The following SEPHS1 variants were observed in gnomAD, a reference collection of about 807,000 sequenced individuals.
SEPHS1 encodes zincore component SEPHS1.
In SEPHS1, 7 loss-of-function variants were observed where a neutral mutation model predicts 39.2. The observed-to-expected ratio is 0.18, with a 90% CI of 0.10 to 0.34. The LOEUF (loss-of-function observed/expected upper bound fraction) is 0.34, where lower values mean the gene tolerates loss of function less well. SEPHS1 is among the 10% of genes least tolerant of loss of function. The probability of loss-of-function intolerance (pLI) is 1.00; values close to 1 mark genes in which losing one functional copy is unlikely to be tolerated. For missense variants in SEPHS1, 253 were observed against 514.5 expected (o/e 0.49, Z 4.92); for synonymous variants, 190 against 195.5 (o/e 0.97, Z 0.23).
At chr10:13,333,762 G>A (rs1344591885) in intron 5 of SEPHS1, 55 bp downstream of exon 5, 1 of 1,568,686 alleles carries the variant, frequency 6.4e-7, no homozygotes. Flanking sequence ...TTTTTAAAAA[G>A]AGAGGACAGA....
Position 13,333,798 on chromosome 10 carries a change from G to A in SEPHS1, c.560+19C>T, listed in dbSNP as rs1833541901. ...GAGAGAAAAACAGGTCAGGTGATAT[G>A]AAACAAAAATCAACTTACATGATAA... On this transcript the variant is annotated intron_variant, in intron 5 of 8. Coordinates refer to ENST00000327347, the MANE Select transcript of SEPHS1 (RefSeq NM_012247.5). The A allele has an allele frequency of 1.2e-6, 2 of 1,611,422 alleles. No homozygotes were observed. Among genetic ancestry groups the A allele is most frequent in the Non-Finnish European group, 1.7e-6 (2 of 1,179,102 alleles).
At chr10:13,335,850 C>G (rs952264426) in intron 4 of SEPHS1, among the ~76,000 whole-genome samples, 15 of 137,580 alleles carry the variant, frequency 1.1e-4, no homozygotes, top group South Asian at 2.4e-4. Context: ...TGTGGTGGTA[C>G]GTGCCTGTAA....
Position 13,319,328 on chromosome 10 carries a change from C to G in SEPHS1, c.993G>C (p.Glu331Asp). 1 of 1,613,236 alleles carries G rather than the reference C, an allele frequency of 6.2e-7. No homozygotes were observed. The highest frequency in any genetic ancestry group is 8.5e-7 in the Non-Finnish European group (1 of 1,179,838). The change falls in exon 9 of 9, where the codon GAG becomes GAC. Residue 331 changes from glutamate (E) to aspartate (D), a missense_variant. Physicochemically the swap from Glu to Asp is conservative, Grantham distance 45. Coordinates refer to ENST00000327347, the MANE Select transcript of SEPHS1 (RefSeq NM_012247.5). ...SGGLLICLPR[E>D]QAARFCAEIK... The stretch of plus-strand genomic sequence containing the variant: ...TCTCTGCACAGAACCGAGCTGCTTG[C>G]TCACGTGGTAAACAGATCAGAAGGC...
intron 3 of SEPHS1, among the ~76,000 whole-genome samples, chr10:13,337,841 T>C (rs1833682799): frequency 6.6e-6 from 1 of 152,170 alleles, no homozygotes; most frequent in Non-Finnish European, 1.5e-5. Context: ...GGAAGAAATA[T>C]AGGTTTCCAA....
At chr10:13,336,424 T>C (rs2130677781) in intron 3 of SEPHS1, 74 bp from the exon 4 acceptor site, 2 of 1,086,878 alleles carry the variant, frequency 1.8e-6, no homozygotes, top group African/African-American at 1.5e-5. Flanking sequence ...AGCCATGGAG[T>C]GGACTCCACA....
Position 13,344,739 on chromosome 10 carries a change from G to C in SEPHS1, c.193+19C>G, listed in dbSNP as rs748973442. On this transcript the variant is annotated intron_variant, in intron 2 of 8. Coordinates refer to ENST00000327347, the MANE Select transcript of SEPHS1 (RefSeq NM_012247.5). ...ACTGATTGGATCGCAGACCATCAAA[G>C]AAACACTGGGTTACCTACCAAGCCT... is the stretch of plus-strand genomic sequence containing the variant. The C allele has an allele frequency of 1.4e-6, 2 of 1,452,038 alleles. No individual in the cohort carries two copies. The highest frequency in any genetic ancestry group is 1.6e-5 in the South Asian group (1 of 61,368). The allele number at this position is 1,452,038 out of a possible 1,614,324, so 89.9% of individuals were successfully genotyped here.
intron 7 of SEPHS1, among the ~76,000 whole-genome samples, chr10:13,324,418 GAATGT>G (rs1411877308): frequency 6.6e-6 from 1 of 152,198 alleles, no homozygotes; most frequent in Non-Finnish European, 1.5e-5. Context: ...GCTTTTGTGT[GAATGT>G]AAGTTTTCAA....
In SEPHS1 at chr10:13,344,887, T is replaced by C; in HGVS notation, c.64A>G (p.Arg22Gly). 1.2e-6 allele frequency: 2 copies of C among 1,605,978 alleles called. No individual in the cohort carries two copies. The highest frequency in any genetic ancestry group is 1.3e-5 in the African/African-American group (1 of 74,906). The change falls in exon 2 of 9, where the codon AGA becomes GGA. Residue 22 changes from arginine (R) to glycine (G), a missense_variant. This residue lies in a region of SEPHS1 where 123 missense variants were observed against 196.8 expected (regional missense o/e 0.62). Transcript: ENST00000327347. ...YELDKSFRLT[R>G]FTELKGTGCK... Reference sequence around the variant, plus strand: ...CCTGTGCCCTTCAGTTCAGTGAATCTGGTTAGCCGGAAGCTTTTGTCCAAT... The same window carrying C: ...CCTGTGCCCTTCAGTTCAGTGAATCCGGTTAGCCGGAAGCTTTTGTCCAAT...
chr10:13,344,656 A>G (rs1260837115), intron 2 of SEPHS1, 102 bp downstream of exon 2: 7 of 844,074 alleles, frequency 8.3e-6, no homozygotes, highest in Non-Finnish European at 1.2e-5. Flanking sequence ...AAAGCAAAAA[A>G]AGTAATAATA....
intron 2 of SEPHS1, among the ~76,000 whole-genome samples, chr10:13,339,378 A>G (rs952600788): frequency 3.9e-5 from 6 of 152,196 alleles, no homozygotes; most frequent in Non-Finnish European, 8.8e-5. Flanking sequence ...GAAATTTCCA[A>G]TCAAGCCTGG....
intron 8 of SEPHS1, among the ~76,000 whole-genome samples, chr10:13,320,474 C>T (rs1294349383): frequency 6.6e-6 from 1 of 152,010 alleles, no homozygotes; most frequent in Admixed American, 6.6e-5. Context: ...AGCCACTGCA[C>T]CGGGCCAAAA....
intron 2 of SEPHS1, among the ~76,000 whole-genome samples, chr10:13,344,382 T>G (rs963689810): frequency 1.3e-5 from 2 of 152,182 alleles, no homozygotes; most frequent in African/African-American, 4.8e-5. Context: ...GTAATAACAA[T>G]CTCAATTGCA....
In SEPHS1 at chr10:13,319,317, C is replaced by T. The variant is rs1293236433; in HGVS notation, c.1004G>A (p.Arg335Gln). The change falls in exon 9 of 9, where the codon CGG becomes CAG. Residue 335 changes from arginine to glutamine, a missense_variant. Physicochemically the swap from Arg to Gln is conservative, Grantham distance 43. Around this residue, in one of 4 missense-constraint regions of SEPHS1, gnomAD observed 107 missense variants for 257.1 expected, o/e 0.42. Coordinates refer to ENST00000327347, the MANE Select transcript of SEPHS1 (RefSeq NM_012247.5). ...LICLPREQAA[R>Q]FCAEIKSPKY... ...GGGGGACTTTATCTCTGCACAGAAC[C>T]GAGCTGCTTGCTCACGTGGTAAACA... is the stretch of plus-strand genomic sequence containing the variant. 1.2e-6 allele frequency: 2 copies of T among 1,613,252 alleles called. No individual in the cohort carries two copies. The highest frequency in any genetic ancestry group is 1.1e-5 in the South Asian group (1 of 90,848).
At chr10:13,346,770 C>T (rs1833935463) in intron 1 of SEPHS1, among the ~76,000 whole-genome samples, 1 of 152,146 alleles carries the variant, frequency 6.6e-6, no homozygotes, top group Non-Finnish European at 1.5e-5. Flanking sequence ...CAGTTATTTT[C>T]CTACCTCCTA....
At chr10:13,347,914 G>A (rs1043586846) in intron 1 of SEPHS1, 86 bp downstream of exon 1, 6 of 146,814 alleles carry the variant, frequency 4.1e-5, no homozygotes, top group South Asian at 2.1e-4. Context: ...GGCCCGGAGG[G>A]GGATTTGCAA....
chr10:13,318,184 A>G lies in SEPHS1; in HGVS notation c.*958T>C, dbSNP rs1187458915. On this transcript the variant is annotated 3_prime_UTR_variant, in exon 9 of 9. Coordinates refer to ENST00000327347, the MANE Select transcript of SEPHS1 (RefSeq NM_012247.5). ...TCACAAAAAGCGTGCACAAAAAAGT[A>G]CTGGCGCAAAGGACAAAATAATGCT... The G allele has an allele frequency of 1.3e-5, 2 of 152,644 alleles. No homozygotes were observed. The highest frequency in any genetic ancestry group is 2.9e-5 in the Non-Finnish European group (2 of 68,040). The allele number at this position is 152,644 out of a possible 1,614,324, so 9.5% of individuals were successfully genotyped here.
At chr10:13,328,493 T>C in intron 6 of SEPHS1, 43 bp from the exon 7 acceptor site, 1 of 1,361,188 alleles carries the variant, frequency 7.3e-7, no homozygotes, top group Non-Finnish European at 1.0e-6. Flanking sequence ...GAGAGGAAAA[T>C]GTGATTAATC....
chr10:13,330,967 T>C (rs1477065234), intron 5 of SEPHS1, among the ~76,000 whole-genome samples: 1 of 152,148 alleles, frequency 6.6e-6, no homozygotes, highest in East Asian at 1.9e-4. Flanking sequence ...GTATATCTCC[T>C]AATGCTATCC....
At chr10:13,325,954 A>C (rs1833268019) in intron 7 of SEPHS1, among the ~76,000 whole-genome samples, 1 of 112,682 alleles carries the variant, frequency 8.9e-6, no homozygotes, top group South Asian at 2.8e-4. Flanking sequence ...CTCAAAAAAA[A>C]AAAAAAAAAA....
Sources: gnomAD v4.1 joint callset for allele counts (sites outside exome capture counted in the v4.1 genomes callset) on GRCh38, gnomAD v4.1.1 for gene constraint, gnomAD v4.1.1 regional missense constraint, MANE v1.5 for transcripts, NCBI Gene and HGNC (gene_info 2026-07-23, HGNC 2026-07-21) for gene names.